PHIP: variants seen among roughly 807,000 people sequenced by gnomAD.
PHIP encodes PHIP subunit of CUL4-Ring ligase complex.
PHIP carries 54 observed loss-of-function variants against 236.8 expected under a neutral mutation model. The observed-to-expected ratio is 0.23, with a 90% CI of 0.18 to 0.29. PHIP has a LOEUF of 0.29. Ranked by LOEUF, PHIP falls within the 10% of genes least tolerant of loss-of-function variation. The pLI is 1.00. For missense variants in PHIP, 1,370 were observed against 2,190.8 expected (o/e 0.63, Z 7.48); for synonymous variants, 756 against 718.9 (o/e 1.05, Z -0.83).
At chr6:78,966,886 C>T (rs974365638) in intron 27 of PHIP, among the ~76,000 whole-genome samples, 1 of 152,170 alleles carries the variant, frequency 6.6e-6, no homozygotes, top group Non-Finnish European at 1.5e-5. Flanking sequence ...GTTCAAATAA[C>T]GTATCTGTAT....
chr6:79,043,583 T>C (rs1016206182), intron 6 of PHIP, among the ~76,000 whole-genome samples: 11 of 152,138 alleles, frequency 7.2e-5, no homozygotes, highest in African/African-American at 2.7e-4. Context: ...CTGGAATCTA[T>C]TAGCTCTCCC....
chr6:79,015,923 T>A (rs1410916748), intron 13 of PHIP, 140 bp from the exon 14 acceptor site: 1 of 594,486 alleles, frequency 1.7e-6, no homozygotes, highest in Non-Finnish European at 2.9e-6. Context: ...TGAATCAACA[T>A]GGAATGATGG....
At chr6:78,987,577 T>C (rs1457949989) in intron 21 of PHIP, among the ~76,000 whole-genome samples, 1 of 152,056 alleles carries the variant, frequency 6.6e-6, no homozygotes, top group African/African-American at 2.4e-5. Context: ...AATGATTACA[T>C]CTCTAACCTG....
Position 79,066,848 on chromosome 6 carries a change from C to T in PHIP, c.190-6030G>A, listed in dbSNP as rs115316000. ...AATTTCCCCAAGAATGCCCATGTATCAGTAGTGCTCAAAACTTTTTAAACT... is the reference window on the plus strand; with the variant it reads ...AATTTCCCCAAGAATGCCCATGTATTAGTAGTGCTCAAAACTTTTTAAACT... On this transcript the variant is annotated intron_variant, in intron 4 of 39. Coordinates refer to ENST00000275034, the MANE Select transcript of PHIP (RefSeq NM_017934.7). 5.6e-3 allele frequency among the ~76,000 whole-genome samples: 858 copies of T among 152,170 alleles called. 11 individuals are homozygous for T. The highest frequency in any genetic ancestry group is 0.02 in the African/African-American group (827 of 41,524).
At chr6:79,077,803 C>A (rs1179086535) in intron 2 of PHIP, 52 bp downstream of exon 2, 7 of 1,087,062 alleles carry the variant, frequency 6.4e-6, no homozygotes, top group South Asian at 3.7e-5. Context: ...CTCCCTCCCC[C>A]ACGCCCGCGA....
chr6:79,000,263 C>T (rs1177404208), intron 17 of PHIP, among the ~76,000 whole-genome samples: 1 of 151,954 alleles, frequency 6.6e-6, no homozygotes, highest in East Asian at 1.9e-4. Context: ...GGACTCATTA[C>T]AAAGCCAGTA....
intron 39 of PHIP, among the ~76,000 whole-genome samples, chr6:78,942,298 C>T (rs1281913418): frequency 6.6e-6 from 1 of 152,116 alleles, no homozygotes; most frequent in African/African-American, 2.4e-5. Flanking sequence ...GCCTGGCCAA[C>T]ATGGCGAAAC....
rs68181403 is a variant in PHIP at position 79,054,943 on chromosome 6, C to CTT, written c.439+5533_439+5534dup. On this transcript the variant is annotated intron_variant, in intron 6 of 39. Transcript: ENST00000275034. Reference sequence around the variant, plus strand: ...TTATAAATGTAGACAAGATTTAAGACTTTTTTTTTTTTTAAATGCAAAGGC... The same window carrying CTT: ...TTATAAATGTAGACAAGATTTAAGACTTTTTTTTTTTTTTTAAATGCAAAGGC... 4.5e-3 allele frequency among the ~76,000 whole-genome samples: 659 copies of CTT among 146,350 alleles called. 1 individual carries two copies. Among genetic ancestry groups the CTT allele is most frequent in the Non-Finnish European group, 6.9e-3 (458 of 66,320 alleles).
chr6:79,006,535 G>A (rs1770300474), intron 15 of PHIP, among the ~76,000 whole-genome samples: 1 of 151,912 alleles, frequency 6.6e-6, no homozygotes, highest in Non-Finnish European at 1.5e-5. Context: ...CTAGAAAGCA[G>A]TAAGGTTTAT....
At chr6:79,073,471 C>A (rs1279942239) in intron 4 of PHIP, among the ~76,000 whole-genome samples, 1 of 152,110 alleles carries the variant, frequency 6.6e-6, no homozygotes, top group Non-Finnish European at 1.5e-5. Context: ...ATTACATGTT[C>A]ACCCAACCCC....
intron 9 of PHIP, among the ~76,000 whole-genome samples, chr6:79,024,700 G>A (rs1367834269): frequency 1.3e-5 from 2 of 152,152 alleles, no homozygotes; most frequent in East Asian, 3.9e-4. Context: ...AGCTACTCGG[G>A]AGGCTGAGGC....
chr6:79,068,746 T>C lies in PHIP; in HGVS notation c.190-7928A>G, dbSNP rs1226807420. 3.9e-5 allele frequency among the ~76,000 whole-genome samples: 6 copies of C among 152,312 alleles called. No homozygotes were observed. The East Asian group carries it at 1.2e-3, about 29-fold the overall frequency. ...TCGTGTTGAACAAAATCTTTGTAAATCTAAATAGGAAAAAAATTTGAGCAT... is the reference window on the plus strand; with the variant it reads ...TCGTGTTGAACAAAATCTTTGTAAACCTAAATAGGAAAAAAATTTGAGCAT... On this transcript the variant is annotated intron_variant, in intron 4 of 39. Transcript: ENST00000275034.
rs1773377288 is a variant in PHIP at position 78,939,199 on chromosome 6, C to A, written c.*1494G>T. ...AAATAACTGCTTTCCTTTTCCATAG[C>A]AGTACATATAGCAATACATTCTCCT... On this transcript the variant is annotated 3_prime_UTR_variant, in exon 40 of 40. Transcript: ENST00000275034. 1 of 151,708 alleles carries A rather than the reference C, an allele frequency of 6.6e-6. No homozygotes were observed. The highest frequency in any genetic ancestry group is 2.4e-5 in the African/African-American group (1 of 41,408). The allele number at this position is 151,708 out of a possible 1,614,324, so 9.4% of individuals were successfully genotyped here.
At position 79,003,838 on chromosome 6, in the gene PHIP, G is replaced by A. The variant is rs772156588; in HGVS notation, c.1545C>T (p.Gly515=). The A allele has an allele frequency of 4.1e-5, 66 of 1,605,214 alleles. No homozygotes were observed. The highest frequency in any genetic ancestry group is 5.6e-5 in the South Asian group (5 of 89,900). The change falls in exon 16 of 40, where the codon GGC becomes GGT. Residue 515 remains glycine, a synonymous_variant. Coordinates refer to ENST00000275034, the MANE Select transcript of PHIP (RefSeq NM_017934.7). ...GAGAGCATTTGCAGTCAAATACTGC[G>A]CCATGTCCTTGGCCTTCAATCTGAA... ...YFNMIEGQGH[G]AVFDCKCSPD... is the part of the protein sequence containing the mutation.
At chr6:79,073,697 C>G (rs1774008554) in intron 4 of PHIP, among the ~76,000 whole-genome samples, 1 of 152,010 alleles carries the variant, frequency 6.6e-6, no homozygotes, top group Admixed American at 6.5e-5. Flanking sequence ...CTATTCATCT[C>G]TGAATTTGAG....
At chr6:78,949,983 T>C (rs1452223586) in intron 35 of PHIP, among the ~76,000 whole-genome samples, 1 of 152,106 alleles carries the variant, frequency 6.6e-6, no homozygotes, top group Non-Finnish European at 1.5e-5. Context: ...GCCACCATGC[T>C]TGGCCTGGGA....
At chr6:79,052,520 G>C (rs981934400) in intron 6 of PHIP, among the ~76,000 whole-genome samples, 4 of 152,108 alleles carry the variant, frequency 2.6e-5, no homozygotes, top group Admixed American at 2.6e-4. Context: ...AAAGAATGGA[G>C]TAATATACAT....
At chr6:78,975,998 T>C (rs1768029697) in intron 24 of PHIP, among the ~76,000 whole-genome samples, 1 of 151,882 alleles carries the variant, frequency 6.6e-6, no homozygotes, top group Non-Finnish European at 1.5e-5. Flanking sequence ...TACCAATGCC[T>C]TTCTTCACAG....
intron 23 of PHIP, among the ~76,000 whole-genome samples, chr6:78,982,344 C>T (rs921191778): frequency 6.6e-6 from 1 of 151,988 alleles, no homozygotes; most frequent in Non-Finnish European, 1.5e-5. Context: ...CAAATCAATA[C>T]TGCTACTGAC....
Sources: gnomAD v4.1 joint callset for allele counts (sites outside exome capture counted in the v4.1 genomes callset) on GRCh38, gnomAD v4.1.1 for gene constraint, MANE v1.5 for transcripts, NCBI Gene and HGNC (gene_info 2026-07-23, HGNC 2026-07-21) for gene names.